UNC5D: variants seen among roughly 807,000 people sequenced by gnomAD.
UNC5D encodes the protein unc-5 netrin receptor D, also known as netrin receptor UNC5D.
In UNC5D, 39 loss-of-function variants were observed where a neutral mutation model predicts 105.4. That is an observed-to-expected ratio of 0.37 (90% CI 0.29 to 0.48). The LOEUF (loss-of-function observed/expected upper bound fraction) is 0.48, where lower values mean the gene tolerates loss of function less well. Ranked by LOEUF, UNC5D falls within the 20% of genes least tolerant of loss-of-function variation. The pLI is 0.98. For synonymous variants in UNC5D, 452 were observed against 450.4 expected (o/e 1.00, Z -0.04); for missense variants, 991 against 1,202.4 (o/e 0.82, Z 2.60).
chr8:35,639,309 A>G (rs1043346945), intron 4 of UNC5D, among the ~76,000 whole-genome samples: 19 of 152,332 alleles, frequency 1.2e-4, no homozygotes, highest in African/African-American at 4.1e-4. Flanking sequence ...TTATTTGCTC[A>G]TATTGAGTGG....
At chr8:35,290,863 G>A (rs566344897) in intron 1 of UNC5D, among the ~76,000 whole-genome samples, 19 of 151,168 alleles carry the variant, frequency 1.3e-4, no homozygotes, top group Middle Eastern at 3.4e-3. Flanking sequence ...CAGGAGAATC[G>A]CTTGAACCTG....
chr8:35,699,947 A>G (rs1272694674), intron 7 of UNC5D, among the ~76,000 whole-genome samples: 2 of 152,224 alleles, frequency 1.3e-5, no homozygotes, highest in Admixed American at 6.5e-5. Context: ...TAGGATGTAT[A>G]CAAGAGTTGG....
chr8:35,264,034 C>G (rs1480066100), intron 1 of UNC5D, among the ~76,000 whole-genome samples: 1 of 152,130 alleles, frequency 6.6e-6, no homozygotes, highest in Non-Finnish European at 1.5e-5. Flanking sequence ...TGTTTTGAGA[C>G]TAAGCTTACA....
At chr8:35,599,830 T>G (rs773810179) in intron 4 of UNC5D, among the ~76,000 whole-genome samples, 2 of 152,184 alleles carry the variant, frequency 1.3e-5, no homozygotes, top group Non-Finnish European at 1.5e-5. Context: ...ACTTTAAGTT[T>G]TAGGGTACAT....
intron 3 of UNC5D, among the ~76,000 whole-genome samples, chr8:35,593,039 G>A (rs1819268543): frequency 7.4e-6 from 1 of 135,872 alleles, no homozygotes; most frequent in Non-Finnish European, 1.5e-5. Flanking sequence ...ACTGTCAGTA[G>A]TTTTTATACA....
At chr8:35,581,397 T>A (rs1382116454) in intron 3 of UNC5D, among the ~76,000 whole-genome samples, 2 of 152,150 alleles carry the variant, frequency 1.3e-5, no homozygotes, top group African/African-American at 2.4e-5. Context: ...GGATATCCAG[T>A]AGGTGTCTCA....
intron 4 of UNC5D, among the ~76,000 whole-genome samples, chr8:35,672,226 A>G (rs1362062634): frequency 6.6e-6 from 1 of 152,196 alleles, no homozygotes; most frequent in African/African-American, 2.4e-5. Flanking sequence ...ACTTGAAGAT[A>G]TATTACATGG....
At chr8:35,307,200 A>C (rs932183502) in intron 1 of UNC5D, among the ~76,000 whole-genome samples, 3 of 152,200 alleles carry the variant, frequency 2.0e-5, no homozygotes, top group Non-Finnish European at 4.4e-5. Context: ...GCTGTCCTGA[A>C]CTGCATGTGG....
chr8:35,319,375 G>A (rs1809548108), intron 1 of UNC5D, among the ~76,000 whole-genome samples: 1 of 152,090 alleles, frequency 6.6e-6, no homozygotes, highest in African/African-American at 2.4e-5. Context: ...ACTGTTGCAT[G>A]AAGAACAGCC....
At chr8:35,614,835 A>G (rs1467505266) in intron 4 of UNC5D, among the ~76,000 whole-genome samples, 1 of 152,168 alleles carries the variant, frequency 6.6e-6, no homozygotes, top group African/African-American at 2.4e-5. Context: ...GAAAGAAGAT[A>G]TCTAAAGCTC....
intron 1 of UNC5D, among the ~76,000 whole-genome samples, chr8:35,444,847 A>T (rs1381671174): frequency 1.3e-5 from 2 of 152,238 alleles, no homozygotes; most frequent in South Asian, 2.1e-4. Context: ...GGAGAATAAC[A>T]AATTTTAGTT....
At chr8:35,712,261 A>G (rs1474578976) in intron 8 of UNC5D, among the ~76,000 whole-genome samples, 1 of 152,138 alleles carries the variant, frequency 6.6e-6, no homozygotes, top group Non-Finnish European at 1.5e-5. Flanking sequence ...ACAGAGTGAG[A>G]CTCCATTTCA....
intron 3 of UNC5D, among the ~76,000 whole-genome samples, chr8:35,582,913 G>T (rs1818550019): frequency 6.6e-6 from 1 of 152,202 alleles, no homozygotes; most frequent in Non-Finnish European, 1.5e-5. Context: ...CATCCAGGTG[G>T]TTTTTAAAAC....
At chr8:35,733,428 G>A (rs1829299315) in intron 11 of UNC5D, among the ~76,000 whole-genome samples, 1 of 152,180 alleles carries the variant, frequency 6.6e-6, no homozygotes, top group South Asian at 2.1e-4. Flanking sequence ...ACTTTGGGCT[G>A]TACGTCTGCC....
intron 3 of UNC5D, among the ~76,000 whole-genome samples, chr8:35,575,870 C>A (rs536823092): frequency 6.6e-6 from 1 of 152,026 alleles, no homozygotes; most frequent in African/African-American, 2.4e-5. Flanking sequence ...GTAATCGCAT[C>A]TAGCCCGGTA....
At chr8:35,573,238 C>T (rs1817870782) in intron 3 of UNC5D, among the ~76,000 whole-genome samples, 1 of 152,064 alleles carries the variant, frequency 6.6e-6, no homozygotes, top group South Asian at 2.1e-4. Context: ...AACCATTCAC[C>T]CAAATTCCTC....
chr8:35,666,762 A>G (rs1420637664), intron 4 of UNC5D, among the ~76,000 whole-genome samples: 1 of 152,200 alleles, frequency 6.6e-6, no homozygotes, highest in Non-Finnish European at 1.5e-5. Flanking sequence ...AAATAAACTG[A>G]AATGAAAACT....
chr8:35,475,008 G>T lies in UNC5D; in HGVS notation c.104-74284G>T, dbSNP rs556802584. On this transcript the variant is annotated intron_variant, in intron 1 of 16. Coordinates refer to ENST00000404895, the MANE Select transcript of UNC5D (RefSeq NM_080872.4). ...GGGTACATTGTGAAAAGGAAATGGG[G>T]GTTGATTTCAGTGGTTCTCTCTGGA... Among the ~76,000 whole-genome samples, 3 of 152,182 alleles carry T rather than the reference G, an allele frequency of 2.0e-5. No individual in the cohort carries two copies. The South Asian group carries it at 6.2e-4, about 32-fold the overall frequency.
At chr8:35,585,404 G>A (rs558599904) in intron 3 of UNC5D, among the ~76,000 whole-genome samples, 62 of 152,172 alleles carry the variant, frequency 4.1e-4, no homozygotes, top group Middle Eastern at 3.4e-3. Flanking sequence ...ATTCAGTGGC[G>A]TCCGTCCAAA....
Sources: gnomAD v4.1 joint callset for allele counts (sites outside exome capture counted in the v4.1 genomes callset) on GRCh38, gnomAD v4.1.1 for gene constraint, MANE v1.5 for transcripts, NCBI Gene and HGNC (gene_info 2026-07-23, HGNC 2026-07-21) for gene names.